CCDC85A: variants seen among roughly 807,000 people sequenced by gnomAD.
CCDC85A encodes coiled-coil domain containing 85A.
Under a neutral mutation model 50.2 loss-of-function variants are expected in CCDC85A, and 38 were observed. That is an observed-to-expected ratio of 0.76 (90% CI 0.58 to 0.99). CCDC85A has a LOEUF of 0.99. Ranked by LOEUF, CCDC85A falls within the 50% of genes least tolerant of loss-of-function variation. The probability of loss-of-function intolerance (pLI) is 0.00; values close to 1 mark genes in which losing one functional copy is unlikely to be tolerated. For missense variants in CCDC85A, 820 were observed against 742.0 expected, an observed-to-expected ratio of 1.11 and a Z score of -1.22; for synonymous variants, 366 against 301.4, an observed-to-expected ratio of 1.21 and a Z score of -2.22.
intron 2 of CCDC85A, among the ~76,000 whole-genome samples, chr2:56,284,089 A>G (rs1044547351): frequency 2.0e-5 from 3 of 151,852 alleles, no homozygotes; most frequent in Non-Finnish European, 4.4e-5. Flanking sequence ...ATTACTTTCT[A>G]TTTCCCTGTG....
At chr2:56,361,079 C>T (rs1204143338) in intron 3 of CCDC85A, among the ~76,000 whole-genome samples, 1 of 152,038 alleles carries the variant, frequency 6.6e-6, no homozygotes, top group African/African-American at 2.4e-5. Flanking sequence ...TGTTGAAACC[C>T]CATCTCTACT....
intron 2 of CCDC85A, among the ~76,000 whole-genome samples, chr2:56,306,867 G>T (rs1041078809): frequency 5.9e-5 from 9 of 152,208 alleles, no homozygotes; most frequent in Admixed American, 2.6e-4. Context: ...ACTTGATGAG[G>T]TTATTGTCTG....
At position 56,289,420 on chromosome 2, in the gene CCDC85A, T is replaced by C. The variant is rs138246447; in HGVS notation, c.1241-53459T>C. On this transcript the variant is annotated intron_variant, in intron 2 of 5. Coordinates refer to ENST00000407595, the MANE Select transcript of CCDC85A (RefSeq NM_001080433.2). ...CCAGGTTGGGTTGAAGAGGAGCTCA[T>C]GAAAGGCATCTGAGCCAAGTCTTGA... Among the ~76,000 whole-genome samples the C allele has an allele frequency of 4.1e-3, 618 of 152,266 alleles. 10 individuals carry two copies. Among genetic ancestry groups the C allele is most frequent in the Admixed American group, 0.021 (324 of 15,290 alleles).
intron 2 of CCDC85A, among the ~76,000 whole-genome samples, chr2:56,272,673 G>A (rs1191033305): frequency 6.6e-6 from 1 of 152,132 alleles, no homozygotes; most frequent in African/African-American, 2.4e-5. Context: ...TTCAGCACAG[G>A]CAGGAGAGCA....
intron 2 of CCDC85A, among the ~76,000 whole-genome samples, chr2:56,241,199 G>C (rs1194147805): frequency 1.3e-5 from 2 of 151,742 alleles, no homozygotes; most frequent in South Asian, 4.2e-4. Flanking sequence ...TTTTGTGGGA[G>C]ATATATATAT....
chr2:56,265,939 A>G (rs1291132953), intron 2 of CCDC85A, among the ~76,000 whole-genome samples: 2 of 152,230 alleles, frequency 1.3e-5, no homozygotes. Context: ...TAGAATATAT[A>G]CACAATGGCA....
chr2:56,350,670 T>C (rs571654546), intron 3 of CCDC85A, among the ~76,000 whole-genome samples: 177 of 151,976 alleles, frequency 1.2e-3, no homozygotes, highest in Middle Eastern at 3.4e-3. Context: ...CATTTCCTGC[T>C]GGAGGTTACT....
chr2:56,385,668 G>A lies in CCDC85A; in HGVS notation c.*1313G>A, dbSNP rs1676790679. ...ATTTGATTCATGGCAGATATTCTCT[G>A]TTGTTGTTGTTTTAGATGGGCTCAT... On this transcript the variant is annotated 3_prime_UTR_variant, in exon 6 of 6. Transcript: ENST00000407595. 6.6e-6 allele frequency: 1 copy of A among 151,892 alleles called. No homozygotes were observed. The highest frequency in any genetic ancestry group is 1.5e-5 in the Non-Finnish European group (1 of 67,780). 9.4% of individuals were successfully genotyped at this position (151,892 alleles called of 1,614,324 possible).
At position 56,193,186 on chromosome 2, in the gene CCDC85A, C is replaced by T; in HGVS notation, c.986C>T (p.Ala329Val). ...KHRSGSSPEH[A>V]RHSGGSPEHL... ...CGGTCAGGGAGCAGCCCTGAACACG[C>T]CAGGCACAGTGGAGGGAGCCCGGAG... Residue 329 changes from alanine to valine, a missense_variant, in exon 2 of 6, where the codon GCC becomes GTC. Coordinates refer to ENST00000407595, the MANE Select transcript of CCDC85A (RefSeq NM_001080433.2). The T allele has an allele frequency of 6.2e-7, 1 of 1,612,762 alleles. No individual in the cohort carries two copies. The highest frequency in any genetic ancestry group is 8.5e-7 in the Non-Finnish European group (1 of 1,179,366).
chr2:56,213,906 T>C (rs1677286374), intron 2 of CCDC85A, among the ~76,000 whole-genome samples: 1 of 151,776 alleles, frequency 6.6e-6, no homozygotes, highest in South Asian at 2.1e-4. Context: ...TAACCCTGTA[T>C]AGTGAATTGT....
intron 2 of CCDC85A, among the ~76,000 whole-genome samples, chr2:56,337,399 A>G (rs972090277): frequency 2.6e-5 from 4 of 152,342 alleles, no homozygotes; most frequent in African/African-American, 9.6e-5. Flanking sequence ...TGGGAGCTTT[A>G]AAGCAAATTG....
intron 4 of CCDC85A, among the ~76,000 whole-genome samples, chr2:56,374,017 G>T (rs1167128164): frequency 1.3e-5 from 2 of 152,174 alleles, no homozygotes; most frequent in African/African-American, 2.4e-5. Flanking sequence ...TCCATTAGAT[G>T]TATTAGGCAT....
At chr2:56,276,972 C>A (rs1670976757) in intron 2 of CCDC85A, among the ~76,000 whole-genome samples, 2 of 152,146 alleles carry the variant, frequency 1.3e-5, no homozygotes, top group African/African-American at 4.8e-5. Context: ...AATTACTACA[C>A]AGCCTGAGGA....
intron 2 of CCDC85A, among the ~76,000 whole-genome samples, chr2:56,340,483 C>T (rs1382196664): frequency 6.6e-6 from 1 of 152,134 alleles, no homozygotes; most frequent in Admixed American, 6.5e-5. Flanking sequence ...CCATATGAGT[C>T]TGCAGCAGCC....
At chr2:56,338,679 A>G (rs1674203825) in intron 2 of CCDC85A, among the ~76,000 whole-genome samples, 1 of 152,182 alleles carries the variant, frequency 6.6e-6, no homozygotes, top group Admixed American at 6.5e-5. Flanking sequence ...AGTCAGGCTC[A>G]GCTGACCTAT....
intron 2 of CCDC85A, among the ~76,000 whole-genome samples, chr2:56,278,589 T>C (rs988056348): frequency 2.6e-5 from 4 of 152,134 alleles, no homozygotes; most frequent in Non-Finnish European, 4.4e-5. Flanking sequence ...TATTATTTTT[T>C]TGGAGATGGA....
chr2:56,192,869 C>T lies in CCDC85A; in HGVS notation c.669C>T (p.Asp223=), dbSNP rs549875724. The change falls in exon 2 of 6, where the codon GAC becomes GAT. Residue 223 remains aspartate (D), a synonymous_variant. Coordinates refer to ENST00000407595, the MANE Select transcript of CCDC85A (RefSeq NM_001080433.2). This position sits in a 1 kb window ranked among gnomAD's most constrained non-coding sequence, Gnocchi z 4.7. The part of the protein sequence containing the change: ...TSSTGSTDSP[D]HHKHHASSGS... ...GCACTGGCAGCACTGACAGCCCGGA[C>T]CACCACAAGCACCACGCGAGCAGTG... The T allele has an allele frequency of 5.6e-6, 9 of 1,613,108 alleles. No individual in the cohort carries two copies. The East Asian group carries it at 1.8e-4, about 32-fold the overall frequency.
chr2:56,335,443 A>G (rs945138631), intron 2 of CCDC85A, among the ~76,000 whole-genome samples: 1 of 152,156 alleles, frequency 6.6e-6, no homozygotes, highest in Non-Finnish European at 1.5e-5. Flanking sequence ...CTACTATAAC[A>G]GAATACCACA....
At chr2:56,298,509 GC>G (rs1672056254) in intron 2 of CCDC85A, among the ~76,000 whole-genome samples, 1 of 152,168 alleles carries the variant, frequency 6.6e-6, no homozygotes, top group East Asian at 1.9e-4. Context: ...TCAGGGCTCA[GC>G]TAAATTTGAG....
Sources: gnomAD v4.1 joint callset for allele counts (sites outside exome capture counted in the v4.1 genomes callset) on GRCh38, gnomAD v4.1.1 for gene constraint, Gnocchi (gnomAD v3.1) non-coding constraint, MANE v1.5 for transcripts, NCBI Gene and HGNC (gene_info 2026-07-23, HGNC 2026-07-21) for gene names.